Variants in NRDC observed in about 807,000 individuals in gnomAD.
NRDC encodes nardilysin convertase.
Under a neutral mutation model 147.1 loss-of-function variants are expected in NRDC, and 54 were observed. The observed-to-expected ratio is 0.37, with a 90% CI of 0.29 to 0.46. The LOEUF (loss-of-function observed/expected upper bound fraction) is 0.46, where lower values mean the gene tolerates loss of function less well. NRDC is among the 20% of genes least tolerant of loss of function. NRDC has a pLI of 1.00. For synonymous variants in NRDC, 440 were observed against 482.1 expected, an observed-to-expected ratio of 0.91 and a Z score of 1.14; for missense variants, 1,082 against 1,370.6, an observed-to-expected ratio of 0.79 and a Z score of 3.33.
chr1:51,857,193 A>C (rs998596228), intron 1 of NRDC, among the ~76,000 whole-genome samples: 1 of 152,232 alleles, frequency 6.6e-6, no homozygotes, highest in Non-Finnish European at 1.5e-5. Context: ...TAGATGTATA[A>C]ACAGATCGTA....
At chr1:51,852,058 GTGTGTGAA>G (rs1681977596) in intron 1 of NRDC, among the ~76,000 whole-genome samples, 2 of 152,170 alleles carry the variant, frequency 1.3e-5, no homozygotes. Context: ...TACACGTTGT[GTGTGTGAA>G]TGGTCAGCTG....
chr1:51,845,959 TA>T (rs564616192), intron 1 of NRDC, among the ~76,000 whole-genome samples: 240 of 147,300 alleles, frequency 1.6e-3, no homozygotes, highest in Non-Finnish European at 2.2e-3. Context: ...ACACCTAATT[TA>T]AAAAAAAAAG....
chr1:51,873,614 G>A (rs1164794172), intron 1 of NRDC, among the ~76,000 whole-genome samples: 1 of 151,558 alleles, frequency 6.6e-6, no homozygotes, highest in African/African-American at 2.4e-5. Context: ...AAGTTCAAGC[G>A]ATTCCCCTGC....
chr1:51,852,673 C>G (rs1377239706), intron 1 of NRDC, among the ~76,000 whole-genome samples: 1 of 137,930 alleles, frequency 7.3e-6, no homozygotes, highest in Non-Finnish European at 1.6e-5. Context: ...ACTGGCTTAG[C>G]AAATTCTGTG....
At chr1:51,803,596 A>C (rs1208365258) in intron 20 of NRDC, among the ~76,000 whole-genome samples, 1 of 152,234 alleles carries the variant, frequency 6.6e-6, no homozygotes, top group Non-Finnish European at 1.5e-5. Context: ...ATCCTAAAGC[A>C]TGGGCTATAA....
At chr1:51,874,057 G>A (rs1268246935) in intron 1 of NRDC, among the ~76,000 whole-genome samples, 6 of 149,640 alleles carry the variant, frequency 4.0e-5, no homozygotes, top group Non-Finnish European at 7.4e-5. Flanking sequence ...AAAATTAGCC[G>A]GACATGGTGG....
Position 51,878,378 on chromosome 1 carries a change from G to C in NRDC, c.238C>G (p.Arg80Gly). Residue 80 changes from arginine (R) to glycine (G), a missense_variant, in exon 1 of 31, where the codon CGT (arginine) becomes GGT (glycine). Physicochemically the swap from Arg to Gly is moderately radical, Grantham distance 125 (BLOSUM62 -2). Transcript: ENST00000352171. ...TCCTCAGATTCATCCGCTCCTAGACGGGCAACCCGGCTGTTCTCGCCCAGA... is the reference window on the plus strand; with the variant it reads ...TCCTCAGATTCATCCGCTCCTAGACCGGCAACCCGGCTGTTCTCGCCCAGA... Reference protein sequence around the residue: ...QDLGENSRVARLGADESEEEG... With the variant: ...QDLGENSRVAGLGADESEEEG... The C allele has an allele frequency of 1.2e-6, 2 of 1,614,138 alleles. No individual in the cohort carries two copies. The highest frequency in any genetic ancestry group is 1.7e-6 in the Non-Finnish European group (2 of 1,180,044).
intron 14 of NRDC, among the ~76,000 whole-genome samples, chr1:51,813,624 C>T (rs972880452): frequency 1.2e-4 from 18 of 152,132 alleles, no homozygotes; most frequent in African/African-American, 4.1e-4. Context: ...AAGGAAAATG[C>T]TCTCCTTCCC....
intron 16 of NRDC, 75 bp from the exon 17 acceptor site, chr1:51,809,476 C>T: frequency 1.0e-6 from 1 of 960,744 alleles, no homozygotes; most frequent in Non-Finnish European, 1.7e-6. Context: ...AACTAGTTAT[C>T]AACTGGCTTA....
At chr1:51,839,018 C>G (rs144612337) in intron 2 of NRDC, among the ~76,000 whole-genome samples, 103 of 152,206 alleles carry the variant, frequency 6.8e-4, no homozygotes, top group African/African-American at 2.3e-3. Flanking sequence ...AAATATTACT[C>G]AATCCAACAA....
intron 1 of NRDC, among the ~76,000 whole-genome samples, chr1:51,855,106 G>A (rs1435119212): frequency 6.6e-6 from 1 of 152,160 alleles, no homozygotes; most frequent in Non-Finnish European, 1.5e-5. Context: ...ATACACCACT[G>A]CTTCAAGATA....
intron 1 of NRDC, chr1:51,859,903 G>A: frequency 6.1e-6 from 1 of 163,502 alleles, no homozygotes. Context: ...CAGCTTATCT[G>A]CTTTGTCTGT....
intron 4 of NRDC, among the ~76,000 whole-genome samples, chr1:51,829,937 C>A (rs1024412594): frequency 3.3e-5 from 5 of 150,744 alleles, no homozygotes; most frequent in Non-Finnish European, 7.4e-5. Flanking sequence ...TTATTCCTTG[C>A]AAGTATATTC....
At chr1:51,857,737 G>A (rs1248787849) in intron 1 of NRDC, among the ~76,000 whole-genome samples, 1 of 152,164 alleles carries the variant, frequency 6.6e-6, no homozygotes, top group Admixed American at 6.5e-5. Context: ...TCAGTTAAGA[G>A]GCTGCAGATG....
chr1:51,795,254 C>T, intron 22 of NRDC: 2 of 1,238,342 alleles, frequency 1.6e-6, no homozygotes, highest in Non-Finnish European at 2.1e-6. Flanking sequence ...GTGAATACAT[C>T]CTCTTCCCTT....
chr1:51,831,023 G>A (rs1680683143), intron 4 of NRDC, among the ~76,000 whole-genome samples: 1 of 152,032 alleles, frequency 6.6e-6, no homozygotes, highest in Non-Finnish European at 1.5e-5. Context: ...ACCCTATAAT[G>A]CTCTACTTAT....
intron 29 of NRDC, among the ~76,000 whole-genome samples, chr1:51,790,132 T>C (rs183113235): frequency 2.3e-4 from 35 of 152,314 alleles, no homozygotes; most frequent in Admixed American, 9.1e-4. Flanking sequence ...GAGTACAAGA[T>C]CCAGATCTTT....
intron 8 of NRDC, among the ~76,000 whole-genome samples, chr1:51,820,402 A>C (rs1414065606): frequency 6.6e-6 from 1 of 152,156 alleles, no homozygotes; most frequent in African/African-American, 2.4e-5. Context: ...GCCTCAAAGA[A>C]TTTTTAACCT....
rs1679876447 is a variant in NRDC at position 51,814,625 on chromosome 1, C to T, written c.1561-16G>A. The T allele has an allele frequency of 1.9e-6, 3 of 1,611,128 alleles. No homozygotes were observed. The highest frequency in any genetic ancestry group is 2.2e-5 in the South Asian group (2 of 90,902). On this transcript the variant is annotated splice_polypyrimidine_tract_variant and intron_variant, in intron 12 of 30. Coordinates refer to ENST00000352171, the MANE Select transcript of NRDC (RefSeq NM_001101662.2). The stretch of plus-strand genomic sequence containing the variant: ...TGTAAGCAACCTGAAAACAAAACAT[C>T]CAATTAGTCTTTTGCATAAAGTGAT...
Sources: gnomAD v4.1 joint callset for allele counts (sites outside exome capture counted in the v4.1 genomes callset) on GRCh38, gnomAD v4.1.1 for gene constraint, MANE v1.5 for transcripts, NCBI Gene and HGNC (gene_info 2026-07-23, HGNC 2026-07-21) for gene names.